The following AKR1C3 variants were observed in gnomAD, a reference collection of about 807,000 sequenced individuals.
AKR1C3 encodes aldo-keto reductase family 1 member C3.
AKR1C3 carries 48 observed loss-of-function variants against 43.6 expected under a neutral mutation model. That is an observed-to-expected ratio of 1.10 (90% CI 0.87 to 1.40). AKR1C3 has a LOEUF of 1.40. AKR1C3 is among the 40% of genes most tolerant of loss of function. The probability of loss-of-function intolerance (pLI) is 0.00; values close to 1 mark genes in which losing one functional copy is unlikely to be tolerated. For missense variants in AKR1C3, 482 were observed against 391.2 expected, an observed-to-expected ratio of 1.23 and a Z score of -1.96; for synonymous variants, 162 against 139.6, an observed-to-expected ratio of 1.16 and a Z score of -1.13.
chr10:5,056,955 C>CT (rs1383485056), intron 1 of AKR1C3, among the ~76,000 whole-genome samples: 1 of 152,202 alleles, frequency 6.6e-6, no homozygotes. Flanking sequence ...ACTGAGAAGG[C>CT]TGCACCAGTG....
intron 1 of AKR1C3, among the ~76,000 whole-genome samples, chr10:5,053,060 A>T (rs1236943799): frequency 6.6e-6 from 1 of 152,178 alleles, no homozygotes; most frequent in Non-Finnish European, 1.5e-5. Flanking sequence ...TCCCCACCAG[A>T]CTCAGGAGCC....
rs552355897 is a variant in AKR1C3 at position 5,080,572 on chromosome 10, T to A, written c.85-15838T>A. Among the ~76,000 whole-genome samples the A allele has an allele frequency of 3.3e-5, 5 of 152,250 alleles. No homozygotes were observed. In the South Asian group the frequency reaches 1.0e-3, roughly 32 times the overall value. On this transcript the variant is annotated intron_variant, in intron 1 of 8. Coordinates refer to the AKR1C3 transcript ENST00000439082. The stretch of plus-strand genomic sequence containing the variant: ...CCAGGAGGTGCAGGTTGCAGTAAGC[T>A]GAGATTGTACCACTGCACCACTCCA...
intron 1 of AKR1C3, among the ~76,000 whole-genome samples, chr10:5,077,052 T>C (rs1269764044): frequency 6.6e-6 from 1 of 152,240 alleles, no homozygotes; most frequent in East Asian, 1.9e-4. Context: ...GAATTGTTCA[T>C]TGAAATCTCT....
At chr10:5,103,877 G>T (rs1049781893) in intron 7 of AKR1C3, among the ~76,000 whole-genome samples, 2 of 152,130 alleles carry the variant, frequency 1.3e-5, no homozygotes, top group Non-Finnish European at 2.9e-5. Flanking sequence ...AGTGTTGGAG[G>T]AAGTGTTTCT....
upstream of AKR1C3, among the ~76,000 whole-genome samples, chr10:5,091,703 A>G (rs72774010): frequency 0.055 from 8,359 of 152,236 alleles, 232 homozygotes; most frequent in Middle Eastern, 0.13. Flanking sequence ...AACTTCTTCC[A>G]CAGCTTCGTT....
intron 1 of AKR1C3, among the ~76,000 whole-genome samples, chr10:5,066,445 G>A (rs566954726): frequency 5.3e-5 from 8 of 152,090 alleles, no homozygotes; most frequent in Non-Finnish European, 8.8e-5. Flanking sequence ...GACAGGTTAC[G>A]GTGTCCTCAT....
chr10:5,057,989 T>G (rs1838298872), intron 1 of AKR1C3, among the ~76,000 whole-genome samples: 1 of 152,180 alleles, frequency 6.6e-6, no homozygotes, highest in Non-Finnish European at 1.5e-5. Context: ...CTTGATCTGC[T>G]TTAAATCAGA....
At chr10:5,075,799 G>C (rs111536207) in intron 1 of AKR1C3, among the ~76,000 whole-genome samples, 1 of 152,014 alleles carries the variant, frequency 6.6e-6, no homozygotes, top group African/African-American at 2.4e-5. Context: ...ACTTGAACCC[G>C]GGAGGCAGAG....
At chr10:5,065,673 C>A (rs1838486852) in intron 1 of AKR1C3, among the ~76,000 whole-genome samples, 1 of 152,214 alleles carries the variant, frequency 6.6e-6, no homozygotes, top group South Asian at 2.1e-4. Context: ...CTAGCAGTTT[C>A]CATTGGTTAC....
chr10:5,057,131 A>T (rs1554779684), intron 1 of AKR1C3, among the ~76,000 whole-genome samples: 1 of 152,168 alleles, frequency 6.6e-6, no homozygotes, highest in Admixed American at 6.5e-5. Flanking sequence ...GGGGCAGTGC[A>T]CCTTCCAGTG....
chr10:5,073,285 T>G (rs1554781497), intron 1 of AKR1C3, among the ~76,000 whole-genome samples: 1 of 152,132 alleles, frequency 6.6e-6, no homozygotes. Flanking sequence ...AATAAGAAAA[T>G]TATTTTCTTT....
At chr10:5,062,115 A>T (rs1554780308) in intron 1 of AKR1C3, among the ~76,000 whole-genome samples, 1 of 152,218 alleles carries the variant, frequency 6.6e-6, no homozygotes, top group African/African-American at 2.4e-5. Flanking sequence ...TCATTTCAGA[A>T]TACTCTTTTG....
chr10:5,053,132 G>A (rs180729285), intron 1 of AKR1C3, among the ~76,000 whole-genome samples: 4 of 152,358 alleles, frequency 2.6e-5, no homozygotes, highest in South Asian at 2.1e-4. Context: ...TGCCAGTCCC[G>A]TGCCATGCGC....
At chr10:5,050,425 A>G (rs1169419475) in intron 1 of AKR1C3, among the ~76,000 whole-genome samples, 1 of 152,238 alleles carries the variant, frequency 6.6e-6, no homozygotes, top group Admixed American at 6.5e-5. Flanking sequence ...CTATTTCTTC[A>G]TGCTTTGAAG....
intron 1 of AKR1C3, among the ~76,000 whole-genome samples, chr10:5,079,931 T>A (rs907567915): frequency 6.6e-5 from 10 of 152,194 alleles, no homozygotes; most frequent in African/African-American, 2.2e-4. Context: ...AAATTTTCTT[T>A]GCACCTGCAG....
intron 1 of AKR1C3, among the ~76,000 whole-genome samples, chr10:5,066,359 A>G (rs1554780797): frequency 2.0e-5 from 3 of 152,082 alleles, no homozygotes; most frequent in Non-Finnish European, 4.4e-5. Flanking sequence ...CTTAGGTGAG[A>G]ATGTGACCAA....
At chr10:5,056,005 T>A (rs1335523472) in intron 1 of AKR1C3, among the ~76,000 whole-genome samples, 1 of 152,212 alleles carries the variant, frequency 6.6e-6, no homozygotes, top group East Asian at 1.9e-4. Flanking sequence ...ATATTTGACC[T>A]GCTGTAGCAA....
intron 8 of AKR1C3, among the ~76,000 whole-genome samples, chr10:5,106,565 A>G (rs1410456694): frequency 6.6e-6 from 1 of 152,122 alleles, no homozygotes; most frequent in Non-Finnish European, 1.5e-5. Context: ...AGCCTGGCCA[A>G]CATGGTGAAA....
At chr10:5,066,435 G>A (rs1588336596) in intron 1 of AKR1C3, among the ~76,000 whole-genome samples, 1 of 152,162 alleles carries the variant, frequency 6.6e-6, no homozygotes, top group African/African-American at 2.4e-5. Context: ...GCATGTCATT[G>A]ACAGGTTACG....
Sources: allele counts gnomAD v4.1 joint callset (sites outside exome capture counted in the v4.1 genomes callset), GRCh38; gene constraint gnomAD v4.1.1; transcripts MANE v1.5; gene names NCBI Gene and HGNC (gene_info 2026-07-23, HGNC 2026-07-21).